The following TELO2 variants were observed in gnomAD, a reference collection of about 807,000 sequenced individuals.
The protein encoded by TELO2 is telomere length regulation protein TEL2 homolog.
Under a neutral mutation model 91.0 loss-of-function variants are expected in TELO2, and 71 were observed. That is an observed-to-expected ratio of 0.78 (90% CI 0.64 to 0.95). The LOEUF (loss-of-function observed/expected upper bound fraction) is 0.95, where lower values mean the gene tolerates loss of function less well. Among genes scored for constraint, TELO2 ranks in the 40% least tolerant of loss-of-function variants. The pLI is 0.00. For synonymous variants in TELO2, 584 were observed against 518.9 expected, an observed-to-expected ratio of 1.13 and a Z score of -1.71; for missense variants, 1,183 against 1,141.3, an observed-to-expected ratio of 1.04 and a Z score of -0.53.
intron 15 of TELO2, among the ~76,000 whole-genome samples, chr16:1,503,913 C>T (rs567649065): frequency 6.6e-6 from 1 of 151,936 alleles, no homozygotes; most frequent in East Asian, 1.9e-4. Context: ...GGGAGGATTG[C>T]TCAAGCCCAG....
chr16:1,494,307 G>A lies in TELO2; in HGVS notation c.26G>A (p.Arg9Gln). 3 of 1,613,186 alleles carry A rather than the reference G, an allele frequency of 1.9e-6. No individual in the cohort carries two copies. MEPAPSEV[R>Q]LAVREAIHAL... ...ATGGAGCCAGCACCCTCAGAGGTTC[G>A]ACTCGCCGTCCGGGAAGCCATTCAT... is the stretch of plus-strand genomic sequence containing the variant. The change falls in exon 2 of 21, where the codon CGA (arginine) becomes CAA (glutamine). Residue 9 changes from arginine (R) to glutamine (Q), a missense_variant. By Grantham distance (43) the Arg-to-Gln change is conservative. Coordinates refer to ENST00000262319, the MANE Select transcript of TELO2 (RefSeq NM_016111.4). The surrounding 1 kb of genome is among the most constrained non-coding windows in gnomAD (Gnocchi z 5.6).
chr16:1,494,444 G>C lies in TELO2; in HGVS notation c.163G>C (p.Ala55Pro), dbSNP rs769461559. Residue 55 changes from alanine (A) to proline (P), a missense_variant, in exon 2 of 21, where the codon GCC (alanine) becomes CCC (proline). Transcript: ENST00000262319. The surrounding 1 kb of genome is among the most constrained non-coding windows in gnomAD (Gnocchi z 5.6). ...GCTCCCGAGGGAGAAGGAGGAGTTT[G>C]CCTCGGCCCACTTCTCGCCTGTCCT... ...PALPREKEEF[A>P]SAHFSPVLRC... 2 of 1,613,480 alleles carry C rather than the reference G, an allele frequency of 1.2e-6. No individual in the cohort carries two copies. Among genetic ancestry groups the C allele is most frequent in the Non-Finnish European group, 1.7e-6 (2 of 1,180,012 alleles).
At chr16:1,501,859 C>A in intron 11 of TELO2, 86 bp downstream of exon 11, 1 of 1,472,562 alleles carries the variant, frequency 6.8e-7, no homozygotes, top group Non-Finnish European at 9.3e-7. Flanking sequence ...CCGTGGGGGG[C>A]TCCCTGCCTG....
Position 1,507,497 on chromosome 16 carries a change from T to G in TELO2, c.2292-104T>G, listed in dbSNP as rs1427532328. 3 of 1,494,386 alleles carry G rather than the reference T, an allele frequency of 2.0e-6. No individual in the cohort carries two copies. In the East Asian group the frequency reaches 7.2e-5, roughly 36 times the overall value. 92.6% of individuals were successfully genotyped at this position (1,494,386 alleles called of 1,614,324 possible). A position where few individuals can be genotyped will look rare whatever the true frequency, so the allele number is the denominator to read the frequency against. Reference sequence around the variant, plus strand: ...GGCCTGGTACTTCCCAAATAGGAAGTGTGCCAGGCAGGGCCGCAGCGTGGG... The same window carrying G: ...GGCCTGGTACTTCCCAAATAGGAAGGGTGCCAGGCAGGGCCGCAGCGTGGG... On this transcript the variant is annotated intron_variant, in intron 19 of 20. Transcript: ENST00000262319.
At chr16:1,503,695 C>T (rs1318763408) in intron 15 of TELO2, among the ~76,000 whole-genome samples, 5 of 152,192 alleles carry the variant, frequency 3.3e-5, no homozygotes, top group South Asian at 2.1e-4. Flanking sequence ...ACGGGGCTGC[C>T]GGGGCTTGGG....
chr16:1,501,643 T>C lies in TELO2; in HGVS notation c.1362-20T>C, dbSNP rs766486175. On this transcript the variant is annotated intron_variant, in intron 10 of 20. Coordinates refer to ENST00000262319, the MANE Select transcript of TELO2 (RefSeq NM_016111.4). Reference sequence around the variant, plus strand: ...GCTCGAGGGGCCCCTAAAGGATTTTTGTTCCTTGTTTCCTTAAAGCACGTC... The same window carrying C: ...GCTCGAGGGGCCCCTAAAGGATTTTCGTTCCTTGTTTCCTTAAAGCACGTC... 1.3e-6 allele frequency: 2 copies of C among 1,598,208 alleles called. No homozygotes were observed. The highest frequency in any genetic ancestry group is 1.7e-6 in the Non-Finnish European group (2 of 1,172,312).
Position 1,506,254 on chromosome 16 carries a change from G to GC in TELO2, c.2054dup (p.Ala686GlyfsTer23), listed in dbSNP as rs1326248498. ...GTCTGGCAGGGTGGCCCGAGGCAGGGCCCGGCAGGCAGCCCCAGCAGATTC... is the reference window on the plus strand; with the variant it reads ...GTCTGGCAGGGTGGCCCGAGGCAGGGCCCCGGCAGGCAGCCCCAGCAGATTC... On this transcript the variant is annotated frameshift_variant, in exon 17 of 21. Transcript: ENST00000262319. LOFTEE classifies it high-confidence loss of function. The GC allele has an allele frequency of 6.2e-7, 1 of 1,613,674 alleles. No homozygotes were observed. The highest frequency in any genetic ancestry group is 2.2e-5 in the East Asian group (1 of 44,882).
In TELO2 at chr16:1,507,288, C is replaced by G. The variant is rs757403843; in HGVS notation, c.2227-18C>G. ...ACGGCGTCGGGACCCCACTGACTGT[C>G]CCTCTGCTGGTGTCCAGGTGGCTGT... On this transcript the variant is annotated intron_variant, in intron 18 of 20. Transcript: ENST00000262319. The G allele has an allele frequency of 3.1e-6, 5 of 1,606,670 alleles. No homozygotes were observed. Among genetic ancestry groups the G allele is most frequent in the Non-Finnish European group, 3.4e-6 (4 of 1,179,784 alleles).
At position 1,497,195 on chromosome 16, in the gene TELO2, G is replaced by GGCCCTCTGCAGGGTCCCCTT; in HGVS notation, c.682+96_682+115dup. Reference sequence around the variant, plus strand: ...AAGGCCGAGAATCCCTCCTGACCCTGGCCCTCTGCAGGGTCCCCTTGCCCG... The same window carrying GGCCCTCTGCAGGGTCCCCTT: ...AAGGCCGAGAATCCCTCCTGACCCTGGCCCTCTGCAGGGTCCCCTTGCCCTCTGCAGGGTCCCCTTGCCCG... On this transcript the variant is annotated intron_variant, in intron 4 of 20. Coordinates refer to ENST00000262319, the MANE Select transcript of TELO2 (RefSeq NM_016111.4). This position sits in a 1 kb window ranked among gnomAD's most constrained non-coding sequence, Gnocchi z 4.0. The GGCCCTCTGCAGGGTCCCCTT allele has an allele frequency of 6.4e-7, 1 of 1,560,774 alleles. No individual in the cohort carries two copies. Among genetic ancestry groups the GGCCCTCTGCAGGGTCCCCTT allele is most frequent in the Non-Finnish European group, 8.7e-7 (1 of 1,146,390 alleles).
In TELO2 at chr16:1,507,621, TGTC is replaced by T; in HGVS notation, c.2314_2316del (p.Ser772del). ...GGCAGCTACGTGCGCCAGGGGCTGT[TGTC>T]GGCCGTCTCCTCCGTCCTGCTCAGC... On this transcript the variant is annotated inframe_deletion, in exon 20 of 21. Coordinates refer to ENST00000262319, the MANE Select transcript of TELO2 (RefSeq NM_016111.4). 6.3e-7 allele frequency: 1 copy of T among 1,595,026 alleles called. No individual in the cohort carries two copies. Among genetic ancestry groups the T allele is most frequent in the Non-Finnish European group, 8.5e-7 (1 of 1,177,966 alleles).
In TELO2 at chr16:1,494,796, C is replaced by T. The variant is rs191566346; in HGVS notation, c.335+180C>T. Among the ~76,000 whole-genome samples the T allele has an allele frequency of 3.9e-5, 6 of 152,308 alleles. 1 individual carries two copies. The South Asian group carries it at 1.0e-3, about 26-fold the overall frequency. On this transcript the variant is annotated intron_variant, in intron 2 of 20. Transcript: ENST00000262319. This position sits in a 1 kb window ranked among gnomAD's most constrained non-coding sequence, Gnocchi z 5.6. Reference sequence around the variant, plus strand: ...TCTGTCTCCTTTGCGACGGGAGGCACCTGCTGTGTCTCACAAAGTCCCCCA... The same window carrying T: ...TCTGTCTCCTTTGCGACGGGAGGCATCTGCTGTGTCTCACAAAGTCCCCCA...
At chr16:1,500,730 G>A (rs775270786) in intron 9 of TELO2, 31 bp downstream of exon 9, 11 of 1,607,980 alleles carry the variant, frequency 6.8e-6, no homozygotes, top group Non-Finnish European at 8.5e-6. Context: ...GCGTCCCCGT[G>A]TGGCTGGCCC....
rs2039415111 is a variant in TELO2 at position 1,494,659 on chromosome 16, A to C, written c.335+43A>C. ...ATCCTGGGGTTGCCGGTAGCCTCAGAAGTGATGAGAGTGGCTTGAAGGACT... is the reference window on the plus strand; with the variant it reads ...ATCCTGGGGTTGCCGGTAGCCTCAGCAGTGATGAGAGTGGCTTGAAGGACT... On this transcript the variant is annotated intron_variant, in intron 2 of 20. Transcript: ENST00000262319. The surrounding 1 kb of genome is among the most constrained non-coding windows in gnomAD (Gnocchi z 5.6). 6.4e-7 allele frequency: 1 copy of C among 1,566,436 alleles called. No individual in the cohort carries two copies.
In TELO2 at chr16:1,497,343, C is replaced by T. The variant is rs543742846; in HGVS notation, c.683-18C>T. On this transcript the variant is annotated intron_variant, in intron 4 of 20. Coordinates refer to ENST00000262319, the MANE Select transcript of TELO2 (RefSeq NM_016111.4). This position sits in a 1 kb window ranked among gnomAD's most constrained non-coding sequence, Gnocchi z 4.0. ...GGGTGCAGCTCCCCAGGCTCAGGTC[C>T]TCCGTCTGTCCCCTCAGAGGAGATC... is the stretch of plus-strand genomic sequence containing the variant. The T allele has an allele frequency of 2.0e-6, 3 of 1,532,108 alleles. No individual in the cohort carries two copies. In the Admixed American group the frequency reaches 6.0e-5, roughly 31 times the overall value. The allele number at this position is 1,532,108 out of a possible 1,614,324, so 94.9% of individuals were successfully genotyped here.
chr16:1,510,022 T>C lies in TELO2; in HGVS notation c.*86T>C. The C allele has an allele frequency of 8.1e-7, 1 of 1,238,258 alleles. No individual in the cohort carries two copies. The highest frequency in any genetic ancestry group is 1.1e-6 in the Non-Finnish European group (1 of 878,966). The allele number at this position is 1,238,258 out of a possible 1,614,324, so 76.7% of individuals were successfully genotyped here. ...CCTGGAGCAGCAGAGCCAGGCTTTG[T>C]AGCGAGGCCAGGTCTTCGGCCGCAT... On this transcript the variant is annotated 3_prime_UTR_variant, in exon 21 of 21. Transcript: ENST00000262319.
In TELO2 at chr16:1,502,336, G is replaced by C. The variant is rs564604983; in HGVS notation, c.1585G>C (p.Glu529Gln). The stretch of plus-strand genomic sequence containing the variant: ...AGCCCTGACCACGTCTGAGGACATA[G>C]AGCGCTGGGAGGCAGCCCTGCGGGC... ...VEALTTSEDI[E>Q]RWEAALRALE... The change falls in exon 13 of 21, where the codon GAG (glutamate) becomes CAG (glutamine). Residue 529 changes from glutamate to glutamine, a missense_variant. Coordinates refer to ENST00000262319, the MANE Select transcript of TELO2 (RefSeq NM_016111.4). 8 of 1,606,938 alleles carry C rather than the reference G, an allele frequency of 5.0e-6. No individual in the cohort carries two copies. In the East Asian group the frequency reaches 1.1e-4, roughly 22 times the overall value.
chr16:1,507,354 C>T lies in TELO2; in HGVS notation c.2275C>T (p.Arg759Cys), dbSNP rs148721289. 11 of 1,611,038 alleles carry T rather than the reference C, an allele frequency of 6.8e-6. No individual in the cohort carries two copies. The highest frequency in any genetic ancestry group is 1.1e-5 in the South Asian group (1 of 91,044). ...CCTGCTGGAATTCGTGTGGGCCCTT[C>T]GCTTCCACATCGATGCGTGAGTGGC... ...KALLEFVWAL[R>C]FHIDAYVRQG... The change falls in exon 19 of 21, where the codon CGC (arginine) becomes TGC (cysteine). Residue 759 changes from arginine to cysteine, a missense_variant. By Grantham distance (180) the Arg-to-Cys change is radical. Coordinates refer to ENST00000262319, the MANE Select transcript of TELO2 (RefSeq NM_016111.4).
Position 1,495,576 on chromosome 16 carries a change from G to A in TELO2, c.566G>A (p.Gly189Asp). The change falls in exon 3 of 21, where the codon GGC becomes GAC. Residue 189 changes from glycine to aspartate, a missense_variant. Transcript: ENST00000262319. ...FFPQNYFRLL[G>D]EEVVRVLQAV... ...CCCCAGAACTACTTCCGCCTGCTCG[G>A]CGAGGAGGTCGTCCGGGTGCTGCAG... 1 of 1,609,562 alleles carries A rather than the reference G, an allele frequency of 6.2e-7. No homozygotes were observed. Among genetic ancestry groups the A allele is most frequent in the Non-Finnish European group, 8.5e-7 (1 of 1,177,684 alleles).
At position 1,495,375 on chromosome 16, in the gene TELO2, G is replaced by A. The variant is rs371708341; in HGVS notation, c.365G>A (p.Arg122Gln). Reference protein sequence around the residue: ...GPSFRLMKMARLLARFLREGR... With the variant: ...GPSFRLMKMAQLLARFLREGR... ...AGCTTCCGGCTGATGAAGATGGCGCGGCTGCTGGCCAGATTCCTGCGCGAG... is the reference window on the plus strand; with the variant it reads ...AGCTTCCGGCTGATGAAGATGGCGCAGCTGCTGGCCAGATTCCTGCGCGAG... The change falls in exon 3 of 21, where the codon CGG becomes CAG. Residue 122 changes from arginine to glutamine, a missense_variant. Physicochemically the swap from Arg to Gln is conservative, Grantham distance 43 (BLOSUM62 1). Transcript: ENST00000262319. The A allele has an allele frequency of 8.6e-5, 135 of 1,562,474 alleles. No individual in the cohort carries two copies. Among genetic ancestry groups the A allele is most frequent in the Non-Finnish European group, 1.2e-4 (134 of 1,153,840 alleles).
Sources: gnomAD v4.1 joint callset for allele counts (sites outside exome capture counted in the v4.1 genomes callset) on GRCh38, gnomAD v4.1.1 for gene constraint, Gnocchi (gnomAD v3.1) non-coding constraint, MANE v1.5 for transcripts, NCBI Gene and HGNC (gene_info 2026-07-23, HGNC 2026-07-21) for gene names.